Variants in RIMS1 observed in about 807,000 individuals in gnomAD.
RIMS1 encodes the protein regulating synaptic membrane exocytosis protein 1.
In RIMS1, 83 loss-of-function variants were observed where a neutral mutation model predicts 214.1. The ratio of observed to expected loss-of-function variants is 0.39; its 90% CI spans 0.32 to 0.47. The LOEUF (loss-of-function observed/expected upper bound fraction) is 0.47. Among genes scored for constraint, RIMS1 ranks in the 20% least tolerant of loss-of-function variants. The probability of loss-of-function intolerance (pLI) is 0.99; values close to 1 mark genes in which losing one functional copy is unlikely to be tolerated. For synonymous variants in RIMS1, 793 were observed against 786.8 expected, an observed-to-expected ratio of 1.01 and a Z score of -0.13; for missense variants, 2,050 against 2,161.8, an observed-to-expected ratio of 0.95 and a Z score of 1.03.
chr6:72,217,269 G>A (rs1388499755), intron 6 of RIMS1: 1 of 1,502,734 alleles, frequency 6.7e-7, no homozygotes, highest in African/African-American at 1.4e-5. Context: ...TTAATCTATG[G>A]ATAAATGTAA....
intron 24 of RIMS1, among the ~76,000 whole-genome samples, chr6:72,288,483 T>A (rs2154243491): frequency 6.6e-6 from 1 of 152,290 alleles, no homozygotes; most frequent in Non-Finnish European, 1.5e-5. Context: ...CCTGTTTCAT[T>A]CTCTAACAGG....
intron 1 of RIMS1, among the ~76,000 whole-genome samples, chr6:71,924,367 C>T (rs1385075865): frequency 6.6e-6 from 1 of 151,872 alleles, no homozygotes; most frequent in Non-Finnish European, 1.5e-5. Flanking sequence ...CAGGGACTTA[C>T]CCTCAGGTTA....
At chr6:72,169,849 T>G (rs565707315) in intron 4 of RIMS1, among the ~76,000 whole-genome samples, 36 of 152,314 alleles carry the variant, frequency 2.4e-4, no homozygotes, top group African/African-American at 8.7e-4. Context: ...AGGTTGAGGC[T>G]GCAGTGAGCT....
intron 2 of RIMS1, among the ~76,000 whole-genome samples, chr6:71,973,089 T>A (rs1051595966): frequency 4.6e-5 from 7 of 152,176 alleles, no homozygotes; most frequent in African/African-American, 1.7e-4. Context: ...TTTGTATTTT[T>A]AGTAGAGACA....
Position 72,097,125 on chromosome 6 carries a change from C to T in RIMS1, c.422C>T (p.Ala141Val), listed in dbSNP as rs757314703. The T allele has an allele frequency of 5.6e-6, 9 of 1,613,816 alleles. No homozygotes were observed. In the African/African-American group the frequency reaches 8.0e-5, roughly 14 times the overall value. The change falls in exon 3 of 34, where the codon GCG (alanine) becomes GTG (valine). Residue 141 changes from alanine to valine, a missense_variant. Physicochemically the swap from Ala to Val is moderately conservative, Grantham distance 64. Coordinates refer to ENST00000521978, the MANE Select transcript of RIMS1 (RefSeq NM_014989.7). ...LCSYCRTKFC[A>V]RCGGRVSLRS... ...TCCTATTGTCGCACTAAGTTCTGTG[C>T]GCGCTGCGGAGGCCGCGTGTCTCTA...
chr6:72,176,248 A>G (rs890690389), intron 4 of RIMS1, among the ~76,000 whole-genome samples: 1 of 152,230 alleles, frequency 6.6e-6, no homozygotes, highest in Non-Finnish European at 1.5e-5. Flanking sequence ...CTTTAAATAA[A>G]TAGCATTTTT....
intron 2 of RIMS1, among the ~76,000 whole-genome samples, chr6:72,057,555 T>C (rs902338840): frequency 2.7e-5 from 4 of 149,952 alleles, no homozygotes; most frequent in African/African-American, 9.8e-5. Context: ...TTGCCCAGGC[T>C]GGAGTGCAGT....
At chr6:71,996,191 C>A (rs930098785) in intron 2 of RIMS1, among the ~76,000 whole-genome samples, 1 of 152,166 alleles carries the variant, frequency 6.6e-6, no homozygotes, top group Non-Finnish European at 1.5e-5. Context: ...GCAAGAGGTT[C>A]GGACTTCAAC....
intron 18 of RIMS1, among the ~76,000 whole-genome samples, chr6:72,260,335 G>A (rs1260732880): frequency 6.6e-6 from 1 of 151,966 alleles, no homozygotes; most frequent in Non-Finnish European, 1.5e-5. Context: ...TTATAAAAAT[G>A]TTCAGAATTC....
intron 6 of RIMS1, among the ~76,000 whole-genome samples, chr6:72,184,764 A>G (rs57124599): frequency 0.04 from 3,674 of 92,772 alleles, 145 homozygotes; most frequent in African/African-American, 0.14. Flanking sequence ...TTATTCTGGG[A>G]AAAAAAAAAA....
chr6:72,087,013 G>A (rs1326156019), intron 2 of RIMS1, among the ~76,000 whole-genome samples: 2 of 152,132 alleles, frequency 1.3e-5, no homozygotes, highest in Non-Finnish European at 2.9e-5. Flanking sequence ...GAAAGAAGGA[G>A]GTTGTTTGTT....
At chr6:72,250,771 A>G (rs935279071) in intron 13 of RIMS1, 150 bp from the exon 14 acceptor site, 1 of 567,074 alleles carries the variant, frequency 1.8e-6, no homozygotes, top group African/African-American at 1.9e-5. Flanking sequence ...AACTGAAGTT[A>G]GAATATTATT....
At chr6:72,112,295 T>C (rs1238335774) in intron 4 of RIMS1, among the ~76,000 whole-genome samples, 1 of 151,976 alleles carries the variant, frequency 6.6e-6, no homozygotes, top group African/African-American at 2.4e-5. Context: ...GAACCCCTAA[T>C]TGGCCTTTCC....
chr6:72,113,915 C>A (rs1338846541), intron 4 of RIMS1, among the ~76,000 whole-genome samples: 7 of 151,978 alleles, frequency 4.6e-5, no homozygotes, highest in Non-Finnish European at 1.0e-4. Context: ...TCACTCCTTG[C>A]CCTAAAATAC....
intron 2 of RIMS1, among the ~76,000 whole-genome samples, chr6:71,978,720 G>C (rs1797759493): frequency 6.6e-6 from 1 of 151,928 alleles, no homozygotes; most frequent in Non-Finnish European, 1.5e-5. Context: ...TTAATTTCTT[G>C]CTTCGTTAAA....
At chr6:72,197,812 A>G (rs1819066) in intron 6 of RIMS1, among the ~76,000 whole-genome samples, 107,681 of 151,932 alleles carry the variant, frequency 0.71, 38,516 homozygotes, top group East Asian at 0.84. Flanking sequence ...GGAAGCCCAT[A>G]CAGCCATGGG....
chr6:71,951,478 CTT>C (rs71731452), intron 1 of RIMS1, among the ~76,000 whole-genome samples: 13 of 128,844 alleles, frequency 1.0e-4, no homozygotes, highest in African/African-American at 2.4e-4. Flanking sequence ...TTTTCTTTTT[CTT>C]TTTTTTTTTT....
At chr6:72,059,238 T>C (rs1041333825) in intron 2 of RIMS1, among the ~76,000 whole-genome samples, 1 of 152,198 alleles carries the variant, frequency 6.6e-6, no homozygotes, top group Non-Finnish European at 1.5e-5. Flanking sequence ...TTATTTTTAA[T>C]TTTTTTGAGA....
At chr6:72,211,204 A>G (rs2053750771) in intron 6 of RIMS1, among the ~76,000 whole-genome samples, 1 of 152,190 alleles carries the variant, frequency 6.6e-6, no homozygotes, top group Non-Finnish European at 1.5e-5. Flanking sequence ...TCTTCTGTCC[A>G]GAGTTTGTCC....
Sources: allele counts gnomAD v4.1 joint callset (sites outside exome capture counted in the v4.1 genomes callset), GRCh38; gene constraint gnomAD v4.1.1; transcripts MANE v1.5; gene names NCBI Gene and HGNC (gene_info 2026-07-23, HGNC 2026-07-21).